Variants in CCDC171 observed in about 807,000 individuals in gnomAD.
CCDC171 encodes the protein coiled-coil domain-containing protein 171.
A neutral mutation model predicts 168.2 loss-of-function variants in CCDC171; 177 were observed. The observed-to-expected ratio is 1.05, with a 90% CI of 0.93 to 1.19. The LOEUF (loss-of-function observed/expected upper bound fraction) is 1.19. CCDC171 is among the 50% of genes most tolerant of loss of function. The pLI is 0.00. For missense variants in CCDC171, 1,991 were observed against 1,539.0 expected (o/e 1.29, Z -4.91); for synonymous variants, 687 against 540.8 (o/e 1.27, Z -3.75).
At position 15,830,859 on chromosome 9, in the gene CCDC171, G is replaced by A. The variant is rs145804562; in HGVS notation, c.3268-15843G>A. ...TTTAGAAATTGAACATAGAGACCCTGTTGAAGAATGCCTGTAAAGTTGAAT... is the reference window on the plus strand; with the variant it reads ...TTTAGAAATTGAACATAGAGACCCTATTGAAGAATGCCTGTAAAGTTGAAT... On this transcript the variant is annotated intron_variant, in intron 21 of 25. Transcript: ENST00000380701. Among the ~76,000 whole-genome samples, 135 of 151,812 alleles carry A rather than the reference G, an allele frequency of 8.9e-4. 1 individual carries two copies. Among genetic ancestry groups the A allele is most frequent in the African/African-American group, 3.2e-3 (131 of 41,398 alleles).
At chr9:15,931,575 C>G (rs986403825) in intron 25 of CCDC171, among the ~76,000 whole-genome samples, 7 of 145,658 alleles carry the variant, frequency 4.8e-5, no homozygotes, top group South Asian at 4.4e-4. Flanking sequence ...TAGGTTGTCT[C>G]TTTACTCTGT....
intron 25 of CCDC171, among the ~76,000 whole-genome samples, chr9:15,930,483 A>C (rs772447155): frequency 6.6e-6 from 1 of 151,602 alleles, no homozygotes; most frequent in South Asian, 2.1e-4. Flanking sequence ...ATTTTCTCAG[A>C]TATTTTGGCA....
rs118057048 is a variant in CCDC171 at position 15,742,337 on chromosome 9, T to G, written c.2050-1936T>G. On this transcript the variant is annotated intron_variant, in intron 16 of 25. Transcript: ENST00000380701. ...ACATAAGGTACTCAGTCCTCTGTTA[T>G]CTGTGTACTTTTCAAATTTCCATCC... 3.2e-3 allele frequency among the ~76,000 whole-genome samples: 489 copies of G among 152,358 alleles called. 2 individuals are homozygous for G. Among genetic ancestry groups the G allele is most frequent in the Non-Finnish European group, 5.9e-3 (400 of 68,028 alleles).
intron 7 of CCDC171, among the ~76,000 whole-genome samples, chr9:15,633,447 A>T (rs1240261936): frequency 6.6e-6 from 1 of 152,256 alleles, no homozygotes; most frequent in Non-Finnish European, 1.5e-5. Flanking sequence ...TGGCCATCAG[A>T]GAAATGCAAA....
intron 11 of CCDC171, among the ~76,000 whole-genome samples, chr9:15,707,756 C>G (rs1262861055): frequency 6.6e-6 from 1 of 152,176 alleles, no homozygotes; most frequent in African/African-American, 2.4e-5. Flanking sequence ...TGTGTTTCAT[C>G]TTGTTATCCT....
the CCDC171 span, among the ~76,000 whole-genome samples, chr9:16,086,200 G>A: frequency 6.6e-6 from 1 of 152,204 alleles, no homozygotes; most frequent in South Asian, 2.1e-4. Context: ...ATGCATCCAG[G>A]AATTTATCCA....
intron 25 of CCDC171, among the ~76,000 whole-genome samples, chr9:15,922,418 A>G (rs1447481569): frequency 6.6e-6 from 1 of 151,770 alleles, no homozygotes; most frequent in Non-Finnish European, 1.5e-5. Flanking sequence ...TGTATTTCGT[A>G]GATGAGAGGC....
intron 21 of CCDC171, among the ~76,000 whole-genome samples, chr9:15,828,342 A>AC (rs2060099427): frequency 6.6e-6 from 1 of 151,720 alleles, no homozygotes; most frequent in Non-Finnish European, 1.5e-5. Flanking sequence ...AGAAAAAAAA[A>AC]AACAGGACTT....
At chr9:15,653,132 G>A (rs965867581) in intron 7 of CCDC171, among the ~76,000 whole-genome samples, 5 of 152,122 alleles carry the variant, frequency 3.3e-5, no homozygotes, top group African/African-American at 9.7e-5. Flanking sequence ...TGTTGTCATT[G>A]TGAAAATATA....
chr9:15,925,005 T>C (rs1200963028), intron 25 of CCDC171, among the ~76,000 whole-genome samples: 1 of 151,652 alleles, frequency 6.6e-6, no homozygotes, highest in East Asian at 1.9e-4. Context: ...TCTTTATCTA[T>C]TAATTCAAAA....
chr9:15,599,865 C>G (rs1452700886), intron 6 of CCDC171, among the ~76,000 whole-genome samples: 2 of 152,078 alleles, frequency 1.3e-5, no homozygotes, highest in Non-Finnish European at 2.9e-5. Flanking sequence ...TCTTTTTTCT[C>G]TAAACTTCTC....
intron 8 of CCDC171, among the ~76,000 whole-genome samples, chr9:15,657,947 G>C (rs1224944739): frequency 6.6e-6 from 1 of 152,176 alleles, no homozygotes; most frequent in East Asian, 1.9e-4. Context: ...CTGACCTGCA[G>C]CCTTTTTCTG....
At chr9:15,672,367 T>A (rs949908159) in intron 9 of CCDC171, among the ~76,000 whole-genome samples, 6 of 152,250 alleles carry the variant, frequency 3.9e-5, no homozygotes, top group Admixed American at 1.3e-4. Flanking sequence ...CAATCCCATT[T>A]TGTCCATTTT....
intron 6 of CCDC171, among the ~76,000 whole-genome samples, chr9:15,599,347 G>A (rs1167597735): frequency 1.3e-5 from 2 of 152,106 alleles, no homozygotes; most frequent in South Asian, 2.1e-4. Flanking sequence ...AGGCCTGGTG[G>A]TGACCAAATC....
chr9:15,692,427 T>A (rs115621345), intron 10 of CCDC171, among the ~76,000 whole-genome samples: 1,989 of 151,696 alleles, frequency 0.013, 40 homozygotes, highest in African/African-American at 0.045. Flanking sequence ...TACTCTTTTT[T>A]AAAAATCTAA....
chr9:16,010,576 G>A (rs751119842), intron 3 of CCDC171, among the ~76,000 whole-genome samples: 56 of 152,092 alleles, frequency 3.7e-4, no homozygotes, highest in Middle Eastern at 3.4e-3. Flanking sequence ...TAAAGAAATG[G>A]CCCACTCAGC....
At chr9:15,899,074 G>A (rs1821294708) in intron 24 of CCDC171, among the ~76,000 whole-genome samples, 1 of 152,152 alleles carries the variant, frequency 6.6e-6, no homozygotes, top group African/African-American at 2.4e-5. Context: ...TACAGAATGT[G>A]ACTTTTTGAG....
chr9:15,692,907 C>T (rs748276467), intron 10 of CCDC171, among the ~76,000 whole-genome samples: 5 of 151,720 alleles, frequency 3.3e-5, no homozygotes, highest in South Asian at 4.2e-4. Flanking sequence ...GAGGCCGAGA[C>T]GGGTGGATCA....
At chr9:15,906,257 C>CCTCAAG (rs1295484918) in intron 24 of CCDC171, among the ~76,000 whole-genome samples, 2 of 152,042 alleles carry the variant, frequency 1.3e-5, no homozygotes, top group Non-Finnish European at 2.9e-5. Flanking sequence ...TGATGAACAT[C>CCTCAAG]GATGCAAAAA....
Sources: allele counts gnomAD v4.1 joint callset (sites outside exome capture counted in the v4.1 genomes callset), GRCh38; gene constraint gnomAD v4.1.1; transcripts MANE v1.5; gene names NCBI Gene and HGNC (gene_info 2026-07-23, HGNC 2026-07-21).